The following UBASH3B variants were observed in gnomAD, a reference collection of about 807,000 sequenced individuals.
UBASH3B encodes the protein ubiquitin associated and SH3 domain containing B.
Under a neutral mutation model 83.4 loss-of-function variants are expected in UBASH3B, and 37 were observed. The observed-to-expected ratio is 0.44, with a 90% CI of 0.34 to 0.58. The LOEUF (loss-of-function observed/expected upper bound fraction) is 0.58, where lower values mean the gene tolerates loss of function less well. UBASH3B is among the 20% of genes least tolerant of loss of function. The pLI is 0.01. For missense variants in UBASH3B, 657 were observed against 827.2 expected (o/e 0.79, Z 2.52); for synonymous variants, 304 against 318.3 (o/e 0.96, Z 0.48).
intron 1 of UBASH3B, among the ~76,000 whole-genome samples, chr11:122,732,807 C>T (rs1860864556): frequency 6.6e-6 from 1 of 152,162 alleles, no homozygotes; most frequent in Admixed American, 6.5e-5. Context: ...ATTTCCCATC[C>T]TCATTCAAAG....
At chr11:122,661,859 CAAAAA>C (rs34663505) in intron 1 of UBASH3B, among the ~76,000 whole-genome samples, 1 of 105,514 alleles carries the variant, frequency 9.5e-6, no homozygotes, top group Non-Finnish European at 1.9e-5. Flanking sequence ...GTCCTGGTTC[CAAAAA>C]AAAAAAAAAC....
At chr11:122,800,440 GCTA>G (rs905251699) in intron 10 of UBASH3B, among the ~76,000 whole-genome samples, 7 of 149,850 alleles carry the variant, frequency 4.7e-5, no homozygotes, top group Non-Finnish European at 8.9e-5. Flanking sequence ...TGTAATCCTA[GCTA>G]CTTGGGAGGC....
chr11:122,719,875 A>C (rs923256862), intron 1 of UBASH3B, among the ~76,000 whole-genome samples: 1 of 152,164 alleles, frequency 6.6e-6, no homozygotes, highest in Non-Finnish European at 1.5e-5. Flanking sequence ...GCAGGCGATC[A>C]GTCCTCTCTC....
intron 1 of UBASH3B, among the ~76,000 whole-genome samples, chr11:122,662,478 A>T (rs867197089): frequency 6.9e-6 from 1 of 144,742 alleles, no homozygotes; most frequent in Non-Finnish European, 1.5e-5. Context: ...CCCAGGCAGG[A>T]GTGCAATGCT....
At chr11:122,768,884 G>A (rs1270056092) in intron 1 of UBASH3B, among the ~76,000 whole-genome samples, 1 of 152,120 alleles carries the variant, frequency 6.6e-6, no homozygotes, top group Admixed American at 6.6e-5. Flanking sequence ...ACTGATTTAT[G>A]GACTTTTAAT....
intron 1 of UBASH3B, among the ~76,000 whole-genome samples, chr11:122,749,905 A>T (rs1172600248): frequency 2.0e-5 from 3 of 151,806 alleles, no homozygotes; most frequent in Non-Finnish European, 4.4e-5. Context: ...GCTAATTTTT[A>T]TATTTTTAGT....
chr11:122,740,876 C>T (rs1861012640), intron 1 of UBASH3B, among the ~76,000 whole-genome samples: 1 of 152,168 alleles, frequency 6.6e-6, no homozygotes, highest in South Asian at 2.1e-4. Flanking sequence ...TGAAACAGAA[C>T]CCACTCTTTA....
chr11:122,813,308 C>A lies in UBASH3B; in HGVS notation c.*3422C>A, dbSNP rs1861481879. On this transcript the variant is annotated 3_prime_UTR_variant, in exon 14 of 14. Coordinates refer to ENST00000284273, the MANE Select transcript of UBASH3B (RefSeq NM_032873.5). ...TTCAATTACCTAGTGTTGTTGGGAA[C>A]TAATTGAACAGCTACAGTAAAAGAA... is the stretch of plus-strand genomic sequence containing the variant. The A allele has an allele frequency of 6.6e-6, 1 of 152,168 alleles. No individual in the cohort carries two copies. Among genetic ancestry groups the A allele is most frequent in the Non-Finnish European group, 1.5e-5 (1 of 68,040 alleles). 9.4% of individuals were successfully genotyped at this position (152,168 alleles called of 1,614,324 possible). A position where few individuals can be genotyped will look rare whatever the true frequency, so the allele number is the denominator to read the frequency against.
chr11:122,661,709 T>C (rs942203940), intron 1 of UBASH3B, among the ~76,000 whole-genome samples: 3 of 152,114 alleles, frequency 2.0e-5, no homozygotes, highest in African/African-American at 7.2e-5. Flanking sequence ...ACACAACATA[T>C]GCTTTGTTTT....
chr11:122,695,191 C>T (rs1192171886), intron 1 of UBASH3B, among the ~76,000 whole-genome samples: 7 of 151,976 alleles, frequency 4.6e-5, no homozygotes, highest in East Asian at 3.9e-4. Flanking sequence ...CTTGAACTCC[C>T]GACCTCAAGT....
intron 1 of UBASH3B, among the ~76,000 whole-genome samples, chr11:122,690,624 T>A (rs1333975343): frequency 2.0e-5 from 3 of 152,090 alleles, no homozygotes; most frequent in African/African-American, 7.2e-5. Flanking sequence ...GGCCTCCGAA[T>A]CCACTGGCTG....
At chr11:122,677,782 T>C (rs1048412871) in intron 1 of UBASH3B, among the ~76,000 whole-genome samples, 2 of 151,964 alleles carry the variant, frequency 1.3e-5, no homozygotes, top group Non-Finnish European at 2.9e-5. Flanking sequence ...AAGGGTACTA[T>C]TGCTTTTGAG....
At chr11:122,684,592 G>A (rs115163930) in intron 1 of UBASH3B, among the ~76,000 whole-genome samples, 1,717 of 152,196 alleles carry the variant, frequency 0.011, 23 homozygotes, top group African/African-American at 0.039. Flanking sequence ...AACTCAAAGC[G>A]ATGCAGGTTT....
At chr11:122,800,265 C>T (rs373357738) in intron 10 of UBASH3B, among the ~76,000 whole-genome samples, 17 of 151,872 alleles carry the variant, frequency 1.1e-4, no homozygotes, top group African/African-American at 3.9e-4. Context: ...GGGGGCCAGG[C>T]GCAGTGGCTC....
intron 3 of UBASH3B, among the ~76,000 whole-genome samples, chr11:122,779,187 A>G (rs535959767): frequency 2.0e-5 from 3 of 152,166 alleles, no homozygotes; most frequent in South Asian, 4.2e-4. Context: ...TATCTCCCCA[A>G]TCTCGCTCCC....
At chr11:122,796,017 T>C in intron 7 of UBASH3B, 139 bp from the exon 8 acceptor site, 5 of 1,017,430 alleles carry the variant, frequency 4.9e-6, no homozygotes, top group Non-Finnish European at 5.9e-6. Context: ...ATGAGGTCTG[T>C]AGGACGAGTC....
intron 1 of UBASH3B, 65 bp from the exon 2 acceptor site, chr11:122,776,154 C>T (rs368127758): frequency 9.8e-5 from 145 of 1,483,824 alleles, no homozygotes; most frequent in Non-Finnish European, 1.3e-4. Flanking sequence ...TCACACTCAG[C>T]TCTTGCCACT....
chr11:122,720,904 A>G (rs1446994988), intron 1 of UBASH3B, among the ~76,000 whole-genome samples: 2 of 151,572 alleles, frequency 1.3e-5, no homozygotes, highest in South Asian at 2.1e-4. Context: ...TTTCTCTGCT[A>G]TATCCCCAAG....
rs1009064162 is a variant in UBASH3B at position 122,813,817 on chromosome 11, A to G, written c.*3931A>G. 7.9e-5 allele frequency: 12 copies of G among 152,358 alleles called. No homozygotes were observed. The highest frequency in any genetic ancestry group is 2.4e-4 in the African/African-American group (10 of 41,588). The allele number at this position is 152,358 out of a possible 1,614,324, so 9.4% of individuals were successfully genotyped here. A position where few individuals can be genotyped will look rare whatever the true frequency, so the allele number is the denominator to read the frequency against. On this transcript the variant is annotated 3_prime_UTR_variant, in exon 14 of 14. Transcript: ENST00000284273. Reference sequence around the variant, plus strand: ...GGATTTGCTTCTCTTTAATACTTCAACATATTGAATTTCCCTAGGAAAGTG... The same window carrying G: ...GGATTTGCTTCTCTTTAATACTTCAGCATATTGAATTTCCCTAGGAAAGTG...
Sources: allele counts gnomAD v4.1 joint callset (sites outside exome capture counted in the v4.1 genomes callset), GRCh38; gene constraint gnomAD v4.1.1; transcripts MANE v1.5; gene names NCBI Gene and HGNC (gene_info 2026-07-23, HGNC 2026-07-21).